COL14A1: variants seen among roughly 807,000 people sequenced by gnomAD.
COL14A1 encodes the protein collagen type XIV alpha 1 chain, also known as collagen alpha-1(XIV) chain.
COL14A1 carries 136 observed loss-of-function variants against 230.3 expected under a neutral mutation model. That is an observed-to-expected ratio of 0.59 (90% CI 0.51 to 0.68). The LOEUF (loss-of-function observed/expected upper bound fraction) is 0.68. COL14A1 is among the 30% of genes least tolerant of loss of function. The pLI is 0.00. For synonymous variants in COL14A1, 792 were observed against 784.1 expected (o/e 1.01, Z -0.17); for missense variants, 1,976 against 2,215.8 (o/e 0.89, Z 2.17).
At chr8:120,221,550 A>T (rs1175359850) in intron 14 of COL14A1, among the ~76,000 whole-genome samples, 6 of 122,112 alleles carry the variant, frequency 4.9e-5, no homozygotes, top group African/African-American at 2.1e-4. Context: ...ACAGATACAC[A>T]CACACACATG....
intron 19 of COL14A1, among the ~76,000 whole-genome samples, chr8:120,238,975 C>T (rs1332473178): frequency 1.3e-5 from 2 of 152,186 alleles, no homozygotes; most frequent in Non-Finnish European, 2.9e-5. Context: ...AACCCGGTAC[C>T]TCAGTTGGAA....
At chr8:120,369,591 A>T in intron 47 of COL14A1, 106 bp downstream of exon 47, 1 of 1,135,034 alleles carries the variant, frequency 8.8e-7, no homozygotes, top group Non-Finnish European at 1.2e-6. Flanking sequence ...TTGGTTATGA[A>T]TGGGAAGCAG....
intron 40 of COL14A1, among the ~76,000 whole-genome samples, chr8:120,318,086 G>C (rs1379560020): frequency 6.6e-6 from 1 of 152,150 alleles, no homozygotes; most frequent in African/African-American, 2.4e-5. Context: ...ACAAGCAGAT[G>C]CCATTCACAC....
Position 120,345,479 on chromosome 8 carries a change from C to T in COL14A1, c.4993C>T (p.Pro1665Ser). 6.2e-7 allele frequency: 1 copy of T among 1,604,506 alleles called. No individual in the cohort carries two copies. Among genetic ancestry groups the T allele is most frequent in the Admixed American group, 1.7e-5 (1 of 58,466 alleles). The change falls in exon 45 of 48, where the codon CCT becomes TCT. Residue 1665 changes from proline to serine, a missense_variant. Physicochemically the swap from Pro to Ser is moderately conservative, Grantham distance 74. Transcript: ENST00000297848. The part of the protein sequence containing the change: ...PPGEPGRPGS[P>S]GAPGEQGPPG... Reference sequence around the variant, plus strand: ...TGGGGAGCCTGGGAGGCCAGGCTCACCTGGAGCCCCTGGTGAACAAGGACC... The same window carrying T: ...TGGGGAGCCTGGGAGGCCAGGCTCATCTGGAGCCCCTGGTGAACAAGGACC...
chr8:120,281,985 G>A (rs1003404974), intron 31 of COL14A1, among the ~76,000 whole-genome samples: 1 of 151,970 alleles, frequency 6.6e-6, no homozygotes, highest in Non-Finnish European at 1.5e-5. Context: ...TATACTTTAA[G>A]TTTTAGGGTA....
chr8:120,162,396 G>A (rs906660469), intron 3 of COL14A1, 30 bp from the exon 4 acceptor site: 4 of 1,571,798 alleles, frequency 2.5e-6, no homozygotes, highest in Non-Finnish European at 3.4e-6. Context: ...TTATTTCTTA[G>A]AACTGATTTA....
At chr8:120,224,992 G>C (rs184153681) in intron 14 of COL14A1, 96 bp from the exon 15 acceptor site, 21 of 1,179,622 alleles carry the variant, frequency 1.8e-5, no homozygotes, top group Non-Finnish European at 2.5e-5. Flanking sequence ...AGTGTTTATA[G>C]CTTTGCTGTC....
At position 120,372,224 on chromosome 8, in the gene COL14A1, G is replaced by A. The variant is rs1812184495; in HGVS notation, c.*993G>A. Among the ~76,000 whole-genome samples the A allele has an allele frequency of 6.6e-6, 1 of 152,056 alleles. No individual in the cohort carries two copies. The highest frequency in any genetic ancestry group is 1.5e-5 in the Non-Finnish European group (1 of 68,016). ...GAAAACAGAAGAAGCAGTTAACTTG[G>A]GACTAAGAGATTAGCGACATTTTAT... is the stretch of plus-strand genomic sequence containing the variant. On this transcript the variant is annotated 3_prime_UTR_variant, in exon 48 of 48. Transcript: ENST00000297848.
At position 120,370,383 on chromosome 8, in the gene COL14A1, C is replaced by G. The variant is rs769331498; in HGVS notation, c.5312-769C>G. The G allele has an allele frequency of 8.7e-6, 14 of 1,611,314 alleles. No individual in the cohort carries two copies. The African/African-American group carries it at 1.7e-4, about 20-fold the overall frequency. On this transcript the variant is annotated intron_variant, in intron 47 of 47. Coordinates refer to ENST00000297848, the MANE Select transcript of COL14A1 (RefSeq NM_021110.4). ...CCAGCACTGAAGTGGAAATCCTCCA[C>G]TCTGGTTCCATTGGCCCCAGACATT...
intron 23 of COL14A1, among the ~76,000 whole-genome samples, chr8:120,259,633 A>G (rs1819264461): frequency 1.3e-5 from 2 of 152,142 alleles, no homozygotes; most frequent in Admixed American, 6.5e-5. Context: ...CAGTTTTCCA[A>G]TGTTTATAGA....
At chr8:120,125,899 G>C (rs1814318650) in intron 1 of COL14A1, among the ~76,000 whole-genome samples, 1 of 152,172 alleles carries the variant, frequency 6.6e-6, no homozygotes, top group Admixed American at 6.5e-5. Flanking sequence ...CCAGGCGCTG[G>C]ACGCAAAGGG....
At chr8:120,310,226 A>G (rs758986859) in intron 37 of COL14A1, among the ~76,000 whole-genome samples, 164 bp downstream of exon 37, 32 of 152,304 alleles carry the variant, frequency 2.1e-4, no homozygotes, top group Non-Finnish European at 3.4e-4. Context: ...TTAAAAGCCT[A>G]TGCTTTTAAT....
At position 120,203,879 on chromosome 8, in the gene COL14A1, A is replaced by T. The variant is rs773434700; in HGVS notation, c.1039+9A>T. 1 of 1,612,694 alleles carries T rather than the reference A, an allele frequency of 6.2e-7. No homozygotes were observed. Among genetic ancestry groups the T allele is most frequent in the Non-Finnish European group, 8.5e-7 (1 of 1,179,088 alleles). On this transcript the variant is annotated intron_variant, in intron 9 of 47. Transcript: ENST00000297848. Reference sequence around the variant, plus strand: ...GGACAGAGAAATTAAAGGTAAAATGAGTGACAGAGCAGTCCTGTGGATGTC... The same window carrying T: ...GGACAGAGAAATTAAAGGTAAAATGTGTGACAGAGCAGTCCTGTGGATGTC...
At chr8:120,367,756 C>T (rs532112901) in intron 46 of COL14A1, among the ~76,000 whole-genome samples, 10 of 149,878 alleles carry the variant, frequency 6.7e-5, no homozygotes, top group South Asian at 6.3e-4. Flanking sequence ...GGCAATGTGA[C>T]GAAACCCCAT....
chr8:120,246,246 A>G (rs1436157896), intron 20 of COL14A1, among the ~76,000 whole-genome samples: 4 of 152,092 alleles, frequency 2.6e-5, no homozygotes, highest in African/African-American at 9.7e-5. Flanking sequence ...GTGTGCCTCC[A>G]CCCAGACTCC....
chr8:120,218,272 A>T lies in COL14A1; in HGVS notation c.1737+1782A>T, dbSNP rs1383706159. ...TATAAGTATATGTCTATATATATAT[A>T]ATATATAAATAGATATATAATATAT... is the stretch of plus-strand genomic sequence containing the variant. On this transcript the variant is annotated intron_variant, in intron 14 of 47. Transcript: ENST00000297848. Among the ~76,000 whole-genome samples the T allele has an allele frequency of 2.9e-5, 4 of 137,666 alleles. No homozygotes were observed. The East Asian group carries it at 6.0e-4, about 21-fold the overall frequency. 90.3% of individuals were successfully genotyped at this position (137,666 alleles called of 152,430 possible).
At chr8:120,296,704 ATGT>A (rs1269542978) in intron 34 of COL14A1, among the ~76,000 whole-genome samples, 1 of 151,976 alleles carries the variant, frequency 6.6e-6, no homozygotes, top group Non-Finnish European at 1.5e-5. Flanking sequence ...GCCCTTAATG[ATGT>A]TGTAATTATG....
intron 22 of COL14A1, among the ~76,000 whole-genome samples, 172 bp from the exon 23 acceptor site, chr8:120,255,068 C>T (rs1291874674): frequency 1.3e-5 from 2 of 152,160 alleles, no homozygotes; most frequent in African/African-American, 4.8e-5. Flanking sequence ...AATCTGTTCT[C>T]TCAAGTCATA....
In COL14A1 at chr8:120,315,967, A is replaced by G; in HGVS notation, c.4629A>G (p.Ser1543=). ...AGGGTATCCCAGGAGGCGTTGGTTC[A>G]CCAGGACGTGATGGCTCACCAGGCC... The part of the protein sequence containing the change: ...GPQGIPGGVG[S]PGRDGSPGQR... The change falls in exon 40 of 48, where the codon TCA becomes TCG. Residue 1543 remains serine, a synonymous_variant. Transcript: ENST00000297848. 1 of 1,613,944 alleles carries G rather than the reference A, an allele frequency of 6.2e-7. No individual in the cohort carries two copies. The highest frequency in any genetic ancestry group is 8.5e-7 in the Non-Finnish European group (1 of 1,179,962).
Sources: gnomAD v4.1 joint callset for allele counts (sites outside exome capture counted in the v4.1 genomes callset) on GRCh38, gnomAD v4.1.1 for gene constraint, MANE v1.5 for transcripts, NCBI Gene and HGNC (gene_info 2026-07-23, HGNC 2026-07-21) for gene names.